CDH4: variants seen among roughly 807,000 people sequenced by gnomAD.
CDH4 encodes the protein cadherin 4, also known as cadherin-4.
Under a neutral mutation model 86.0 loss-of-function variants are expected in CDH4, and 33 were observed. The observed-to-expected ratio is 0.38, with a 90% CI of 0.29 to 0.51. The LOEUF (loss-of-function observed/expected upper bound fraction) is 0.51. Ranked by LOEUF, CDH4 falls within the 20% of genes least tolerant of loss-of-function variation. CDH4 has a pLI of 0.86. For missense variants in CDH4, 1,114 were observed against 1,307.4 expected (o/e 0.85, Z 2.28); for synonymous variants, 555 against 549.4 (o/e 1.01, Z -0.14).
intron 6 of CDH4, among the ~76,000 whole-genome samples, chr20:61,853,234 G>A (rs758138787): frequency 2.6e-5 from 4 of 152,170 alleles, no homozygotes; most frequent in Admixed American, 6.5e-5. Context: ...GCTGAAGCCT[G>A]AGGTGGAGCA....
At chr20:61,503,073 T>A (rs1258789406) in intron 2 of CDH4, among the ~76,000 whole-genome samples, 1 of 152,216 alleles carries the variant, frequency 6.6e-6, no homozygotes, top group Non-Finnish European at 1.5e-5. Flanking sequence ...GTAAATACTG[T>A]GCTGGGTACT....
At chr20:61,602,747 CTG>C (rs2086612323) in intron 2 of CDH4, among the ~76,000 whole-genome samples, 1 of 145,938 alleles carries the variant, frequency 6.9e-6, no homozygotes, top group African/African-American at 2.5e-5. Flanking sequence ...CTCCCAGGTG[CTG>C]TGTGTGCCAG....
At chr20:61,903,858 T>C (rs1338625085) in intron 8 of CDH4, among the ~76,000 whole-genome samples, 2 of 152,218 alleles carry the variant, frequency 1.3e-5, no homozygotes, top group African/African-American at 4.8e-5. Context: ...CCCAAAATGC[T>C]GTCATTCTGT....
intron 2 of CDH4, among the ~76,000 whole-genome samples, chr20:61,551,967 T>A (rs2086134087): frequency 6.6e-6 from 1 of 152,308 alleles, no homozygotes; most frequent in East Asian, 1.9e-4. Context: ...TCACACCATA[T>A]ACAAAAGTTA....
intron 6 of CDH4, among the ~76,000 whole-genome samples, chr20:61,871,942 G>A (rs1039956473): frequency 6.6e-6 from 1 of 152,186 alleles, no homozygotes; most frequent in Admixed American, 6.5e-5. Context: ...ACACACCCAG[G>A]GTTCCCCTGC....
intron 4 of CDH4, among the ~76,000 whole-genome samples, chr20:61,790,295 C>T (rs1471154186): frequency 6.6e-6 from 1 of 151,692 alleles, no homozygotes; most frequent in African/African-American, 2.4e-5. Context: ...TCCACACATC[C>T]ATCCACCCAC....
chr20:61,632,781 C>T (rs1332263986), intron 2 of CDH4, among the ~76,000 whole-genome samples: 1 of 150,408 alleles, frequency 6.6e-6, no homozygotes, highest in Admixed American at 6.6e-5. Context: ...CCCACTGACC[C>T]GTCTGCCTAT....
chr20:61,508,511 G>C (rs923487418), intron 2 of CDH4, among the ~76,000 whole-genome samples: 13 of 152,246 alleles, frequency 8.5e-5, no homozygotes, highest in African/African-American at 3.1e-4. Context: ...CTCCTGAGCA[G>C]AGCAGGTGGA....
intron 2 of CDH4, among the ~76,000 whole-genome samples, chr20:61,504,342 A>G (rs1007289482): frequency 1.2e-4 from 19 of 152,200 alleles, no homozygotes; most frequent in African/African-American, 4.3e-4. Context: ...AGATGTTCGG[A>G]TTGTGGTTTT....
chr20:61,554,831 C>T (rs1423184532), intron 2 of CDH4, among the ~76,000 whole-genome samples: 7 of 152,164 alleles, frequency 4.6e-5, no homozygotes, highest in Non-Finnish European at 7.4e-5. Context: ...AGAGTATGTT[C>T]GCATCTGTGC....
intron 7 of CDH4, among the ~76,000 whole-genome samples, chr20:61,882,949 C>T (rs941122932): frequency 2.6e-5 from 4 of 152,182 alleles, no homozygotes; most frequent in Non-Finnish European, 4.4e-5. Flanking sequence ...GCACATGCCC[C>T]AGCCTCTGCG....
At chr20:61,489,466 T>G (rs956520276) in intron 2 of CDH4, among the ~76,000 whole-genome samples, 2 of 152,232 alleles carry the variant, frequency 1.3e-5, no homozygotes, top group Non-Finnish European at 2.9e-5. Context: ...AAACCTGCTT[T>G]TAATGGCCAA....
intron 2 of CDH4, among the ~76,000 whole-genome samples, chr20:61,345,658 CGAG>C (rs1031399008): frequency 6.6e-6 from 1 of 152,126 alleles, no homozygotes; most frequent in Non-Finnish European, 1.5e-5. Context: ...CCTCTGGCAA[CGAG>C]GAGGGGAACA....
In CDH4 at chr20:61,417,469, C is replaced by T. The variant is rs2085153214; in HGVS notation, c.169+162532C>T. 6.6e-6 allele frequency among the ~76,000 whole-genome samples: 1 copy of T among 152,168 alleles called. No homozygotes were observed. The highest frequency in any genetic ancestry group is 2.1e-4 in the South Asian group (1 of 4,820). On this transcript the variant is annotated intron_variant, in intron 2 of 15. Transcript: ENST00000614565. The surrounding 1 kb of genome is among the most constrained non-coding windows in gnomAD (Gnocchi z 4.0). Reference sequence around the variant, plus strand: ...CTGTTTCCTCTAAAAATATCACCCACGTGAGCCAGCACCGTTGGGTCCGGA... The same window carrying T: ...CTGTTTCCTCTAAAAATATCACCCATGTGAGCCAGCACCGTTGGGTCCGGA...
chr20:61,412,245 C>T (rs888560243), intron 2 of CDH4, among the ~76,000 whole-genome samples: 5 of 152,174 alleles, frequency 3.3e-5, no homozygotes, highest in African/African-American at 7.2e-5. Flanking sequence ...ACTCTGGGTC[C>T]GTAGCATGAG....
At chr20:61,889,736 TGATGGATG>T (rs766011788) in intron 7 of CDH4, among the ~76,000 whole-genome samples, 2 of 136,434 alleles carry the variant, frequency 1.5e-5, no homozygotes, top group Admixed American at 1.5e-4. Context: ...GACAGATGGA[TGATGGATG>T]GATGGATGGA....
intron 2 of CDH4, among the ~76,000 whole-genome samples, chr20:61,674,959 A>G (rs904248251): frequency 1.2e-4 from 19 of 152,216 alleles, no homozygotes; most frequent in African/African-American, 4.6e-4. Flanking sequence ...TCTGCTGTGG[A>G]CCAGGTGAGC....
intron 2 of CDH4, among the ~76,000 whole-genome samples, chr20:61,704,859 C>T (rs540481112): frequency 1.5e-4 from 23 of 152,278 alleles, no homozygotes; most frequent in African/African-American, 3.9e-4. Context: ...GCTGTGACTA[C>T]AGGAATGTCT....
intron 3 of CDH4, among the ~76,000 whole-genome samples, chr20:61,757,233 AC>A (rs5842364): frequency 0.22 from 31,452 of 142,174 alleles, 3,351 homozygotes; most frequent in East Asian, 0.32. Flanking sequence ...CAGAACACAG[AC>A]CCCCCCCCCA....
Sources: allele counts gnomAD v4.1 joint callset (sites outside exome capture counted in the v4.1 genomes callset), GRCh38; gene constraint gnomAD v4.1.1; non-coding constraint Gnocchi (gnomAD v3.1); transcripts MANE v1.5; gene names NCBI Gene and HGNC (gene_info 2026-07-23, HGNC 2026-07-21).